The following CDH13 variants were observed in gnomAD, a reference collection of about 807,000 sequenced individuals.
The protein encoded by CDH13 is cadherin-13.
A neutral mutation model predicts 63.8 loss-of-function variants in CDH13; 24 were observed. The ratio of observed to expected loss-of-function variants is 0.38; its 90% confidence interval spans 0.27 to 0.53. The LOEUF is 0.53. CDH13 is among the 20% of genes least tolerant of loss of function. The pLI is 0.85. For synonymous variants in CDH13, 503 were observed against 355.3 expected (o/e 1.42, Z -4.67); for missense variants, 1,049 against 903.1 (o/e 1.16, Z -2.07).
intron 11 of CDH13, among the ~76,000 whole-genome samples, chr16:83,760,329 T>C (rs1171644493): frequency 1.3e-5 from 2 of 152,228 alleles, no homozygotes; most frequent in East Asian, 3.8e-4. Flanking sequence ...ATATGCCCTA[T>C]GTTCCAGGAA....
intron 7 of CDH13, among the ~76,000 whole-genome samples, chr16:83,535,558 C>T (rs945266733): frequency 2.6e-5 from 4 of 152,154 alleles, no homozygotes; most frequent in African/African-American, 9.7e-5. Context: ...CTCTGCTTTG[C>T]TACTTCATTC....
At chr16:83,676,016 G>T (rs897758579) in intron 9 of CDH13, among the ~76,000 whole-genome samples, 2 of 152,080 alleles carry the variant, frequency 1.3e-5, no homozygotes, top group African/African-American at 4.8e-5. Flanking sequence ...AGCCTCCCAG[G>T]CAGCTTATAG....
chr16:82,946,797 C>A lies in CDH13; in HGVS notation c.158-85213C>A, dbSNP rs149542782. Among the ~76,000 whole-genome samples, 503 of 152,170 alleles carry A rather than the reference C, an allele frequency of 3.3e-3. 3 individuals carry two copies. Among genetic ancestry groups the A allele is most frequent in the African/African-American group, 0.012 (483 of 41,520 alleles). On this transcript the variant is annotated intron_variant, in intron 2 of 13. Coordinates refer to ENST00000567109, the MANE Select transcript of CDH13 (RefSeq NM_001257.5). ...GGCAACATATCTGATTTATGGTTCA[C>A]TAACATAAATACATATGCCTAGAAA... is the stretch of plus-strand genomic sequence containing the variant.
intron 6 of CDH13, among the ~76,000 whole-genome samples, chr16:83,436,155 C>T (rs2072294585): frequency 6.6e-6 from 1 of 152,138 alleles, no homozygotes; most frequent in Non-Finnish European, 1.5e-5. Flanking sequence ...TGGAGATGCC[C>T]TGCTCTAGAA....
chr16:83,208,390 A>G (rs1011222356), intron 4 of CDH13, among the ~76,000 whole-genome samples: 1 of 152,190 alleles, frequency 6.6e-6, no homozygotes, highest in Non-Finnish European at 1.5e-5. Flanking sequence ...GAATTAATTA[A>G]TGCTTACAGA....
intron 1 of CDH13, among the ~76,000 whole-genome samples, chr16:82,643,630 A>G (rs185885313): frequency 3.9e-5 from 6 of 152,348 alleles, no homozygotes; most frequent in Admixed American, 6.5e-5. Flanking sequence ...TGATTTGTAA[A>G]GTGAATTAAG....
At chr16:82,999,532 G>T (rs1239837163) in intron 2 of CDH13, among the ~76,000 whole-genome samples, 1 of 151,730 alleles carries the variant, frequency 6.6e-6, no homozygotes, top group African/African-American at 2.4e-5. Flanking sequence ...TAAAACACTG[G>T]AAAAAAATCA....
chr16:83,707,303 T>G (rs977512665), intron 10 of CDH13, among the ~76,000 whole-genome samples: 4 of 152,194 alleles, frequency 2.6e-5, no homozygotes, highest in Non-Finnish European at 4.4e-5. Context: ...AATCTCTTTC[T>G]CCTTGAATTC....
At chr16:83,409,444 C>CT (rs150757482) in intron 6 of CDH13, among the ~76,000 whole-genome samples, 3 of 152,272 alleles carry the variant, frequency 2.0e-5, no homozygotes, top group East Asian at 1.9e-4. Context: ...GGGGCTATGA[C>CT]TAGGGTATCA....
At chr16:82,756,966 G>C (rs2034634618) in intron 1 of CDH13, among the ~76,000 whole-genome samples, 1 of 152,164 alleles carries the variant, frequency 6.6e-6, no homozygotes, top group African/African-American at 2.4e-5. Flanking sequence ...TATATCAGTG[G>C]CTGGCACATT....
rs869250059 is a variant in CDH13, at chr16:83,176,512, G to GAAAAAAAAAAAAAAAAAAAAAAAAAAA, written c.484-40811_484-40810insAAAAAAAAAAAAAAAAAAAAAAAAAAA. ...GTGACAGAGCAAGAATCCAGCTAGA[G>GAAAAAAAAAAAAAAAAAAAAAAAAAAA]AAAAAAAAAAAAAAAAAAAAAAGTC... On this transcript the variant is annotated intron_variant, in intron 4 of 13. Transcript: ENST00000567109. Among the ~76,000 whole-genome samples the GAAAAAAAAAAAAAAAAAAAAAAAAAAA allele has an allele frequency of 2.8e-5, 2 of 71,784 alleles. 1 individual carries two copies. The allele number at this position is 71,784 out of a possible 152,430, so 47.1% of individuals were successfully genotyped here.
At chr16:82,667,510 G>A (rs560850363) in intron 1 of CDH13, among the ~76,000 whole-genome samples, 43 of 152,252 alleles carry the variant, frequency 2.8e-4, no homozygotes, top group Middle Eastern at 3.4e-3. Flanking sequence ...TCCTTGCACC[G>A]TAGGATTGTG....
chr16:83,649,295 T>C (rs1002543307), intron 8 of CDH13, among the ~76,000 whole-genome samples: 1 of 152,210 alleles, frequency 6.6e-6, no homozygotes, highest in Admixed American at 6.5e-5. Context: ...ACAGTGACCA[T>C]TTATATTATT....
intron 10 of CDH13, among the ~76,000 whole-genome samples, chr16:83,708,762 T>C (rs4782835): frequency 1 from 151,988 of 152,328 alleles, 75,824 homozygotes; most frequent in Middle Eastern, 1. Flanking sequence ...CGGTGGCTCA[T>C]GCCTGTAATT....
intron 5 of CDH13, among the ~76,000 whole-genome samples, chr16:83,321,478 C>G (rs1177557899): frequency 6.6e-6 from 1 of 150,942 alleles, no homozygotes; most frequent in Non-Finnish European, 1.5e-5. Context: ...AACGACTAGG[C>G]TGTCATACCT....
At chr16:82,856,374 C>CAAAAAAAAAAAAAAA (rs71382852) in intron 1 of CDH13, among the ~76,000 whole-genome samples, 1 of 95,890 alleles carries the variant, frequency 1.0e-5, no homozygotes, top group African/African-American at 4.3e-5. Flanking sequence ...GACTCCATCT[C>CAAAAAAAAAAAAAAA]AAAAAAAAAA....
chr16:82,732,149 C>T (rs971010720), intron 1 of CDH13, among the ~76,000 whole-genome samples: 10 of 152,094 alleles, frequency 6.6e-5, no homozygotes, highest in African/African-American at 2.2e-4. Flanking sequence ...TTATTACTTC[C>T]TTTTTACCAA....
At chr16:83,267,340 C>T (rs377080800) in intron 5 of CDH13, among the ~76,000 whole-genome samples, 19 of 152,284 alleles carry the variant, frequency 1.2e-4, no homozygotes, top group African/African-American at 4.1e-4. Context: ...GCTGGATTAT[C>T]CTCAGGCTAA....
At position 83,038,808 on chromosome 16, in the gene CDH13, A is replaced by G. The variant is rs566282321; in HGVS notation, c.366+6590A>G. Among the ~76,000 whole-genome samples the G allele has an allele frequency of 2.6e-4, 40 of 152,318 alleles. No homozygotes were observed. The East Asian group carries it at 6.6e-3, about 25-fold the overall frequency. On this transcript the variant is annotated intron_variant, in intron 3 of 13. Transcript: ENST00000567109. The stretch of plus-strand genomic sequence containing the variant: ...ATTTTCTGGCCTGGCCAACGAAAAC[A>G]CTCACAAAGTAAAAACACCATACTT...
Sources: allele counts gnomAD v4.1 joint callset (sites outside exome capture counted in the v4.1 genomes callset), GRCh38; gene constraint gnomAD v4.1.1; transcripts MANE v1.5; gene names NCBI Gene and HGNC (gene_info 2026-07-23, HGNC 2026-07-21).